Variants in DAB1 observed in about 807,000 individuals in gnomAD.
DAB1 encodes disabled homolog 1.
DAB1 carries 15 observed loss-of-function variants against 64.6 expected under a neutral mutation model. That is an observed-to-expected ratio of 0.23 (90% CI 0.16 to 0.36). DAB1 has a LOEUF of 0.36. DAB1 is among the 10% of genes least tolerant of loss of function. The pLI is 1.00. For synonymous variants in DAB1, 235 were observed against 251.9 expected (o/e 0.93, Z 0.64); for missense variants, 596 against 706.7 (o/e 0.84, Z 1.78).
At chr1:57,655,596 T>G (rs185974056) in intron 6 of DAB1, among the ~76,000 whole-genome samples, 1 of 152,294 alleles carries the variant, frequency 6.6e-6, no homozygotes, top group Admixed American at 6.5e-5. Context: ...GAACTTGCAT[T>G]CCAGGGGACA....
chr1:57,293,511 C>T (rs1192301682), intron 1 of DAB1, among the ~76,000 whole-genome samples: 2 of 152,108 alleles, frequency 1.3e-5, no homozygotes, highest in African/African-American at 4.8e-5. Flanking sequence ...GAGTGTCTGG[C>T]ATGCCTCCTG....
intron 5 of DAB1, among the ~76,000 whole-genome samples, chr1:58,109,411 C>T (rs1017429181): frequency 6.6e-6 from 1 of 152,134 alleles, no homozygotes; most frequent in Non-Finnish European, 1.5e-5. Flanking sequence ...CTAGATCACT[C>T]AGGGTAGCTC....
intron 2 of DAB1, among the ~76,000 whole-genome samples, chr1:57,275,779 T>C (rs1187698367): frequency 6.6e-6 from 1 of 152,194 alleles, no homozygotes; most frequent in Non-Finnish European, 1.5e-5. Context: ...CTCCAAAGTC[T>C]CAGTTTCTTC....
At chr1:57,920,887 T>G (rs1273317808) in intron 5 of DAB1, among the ~76,000 whole-genome samples, 1 of 152,162 alleles carries the variant, frequency 6.6e-6, no homozygotes, top group Non-Finnish European at 1.5e-5. Flanking sequence ...AGGGGCCCTA[T>G]CTACCAACAA....
rs188779705 is a variant in DAB1 at position 58,480,673 on chromosome 1, C to T, written n.257+25387G>A. ...ACTACCGTATGGGCTCATTTCTCAT[C>T]CACTAGGGGTCTGCCTTCTAAATCA... On this transcript the variant is annotated intron_variant and non_coding_transcript_variant, in intron 3 of 20. Coordinates refer to the DAB1 transcript ENST00000485760. 304 of 222,068 alleles carry T rather than the reference C, an allele frequency of 1.4e-3. 1 individual carries two copies. The Middle Eastern group carries it at 0.026, about 19-fold the overall frequency. The allele number at this position is 222,068 out of a possible 1,614,324, so 13.8% of individuals were successfully genotyped here.
chr1:57,970,547 G>A (rs1320043082), intron 5 of DAB1, among the ~76,000 whole-genome samples: 3 of 152,066 alleles, frequency 2.0e-5, no homozygotes, highest in African/African-American at 7.2e-5. Context: ...GCCATTGATG[G>A]GGACCCGCCA....
At chr1:57,750,306 A>G (rs1648494638) in intron 6 of DAB1, among the ~76,000 whole-genome samples, 1 of 152,132 alleles carries the variant, frequency 6.6e-6, no homozygotes, top group Non-Finnish European at 1.5e-5. Flanking sequence ...CTAACCATTC[A>G]GTATGTGTTC....
At chr1:57,901,341 T>C (rs1644470985) in intron 5 of DAB1, among the ~76,000 whole-genome samples, 1 of 152,144 alleles carries the variant, frequency 6.6e-6, no homozygotes. Flanking sequence ...GGGAAATCAA[T>C]GTGTTCATTA....
rs542995801 is a variant in DAB1, at chr1:58,491,087, G to A, written n.257+14973C>T. On this transcript the variant is annotated intron_variant and non_coding_transcript_variant, in intron 3 of 20. Coordinates refer to the DAB1 transcript ENST00000485760. ...CTCCCAAAGTGCTGAGATTACAGGCGTGAACCACTGCACCCGGCCCTTCAA... is the reference window on the plus strand; with the variant it reads ...CTCCCAAAGTGCTGAGATTACAGGCATGAACCACTGCACCCGGCCCTTCAA... Among the ~76,000 whole-genome samples, 19 of 152,068 alleles carry A rather than the reference G, an allele frequency of 1.2e-4. No homozygotes were observed. In the South Asian group the frequency reaches 2.7e-3, roughly 22 times the overall value.
intron 14 of DAB1, among the ~76,000 whole-genome samples, chr1:56,999,046 G>A (rs910295700): frequency 2.7e-4 from 41 of 152,208 alleles, no homozygotes; most frequent in African/African-American, 8.9e-4. Flanking sequence ...AGAATTAAAC[G>A]GGCACAATGA....
intron 4 of DAB1, among the ~76,000 whole-genome samples, chr1:58,185,775 T>G (rs920817670): frequency 6.6e-6 from 1 of 152,160 alleles, no homozygotes; most frequent in Non-Finnish European, 1.5e-5. Context: ...GTTATAGAAG[T>G]AATGAAGCTC....
chr1:57,563,816 C>T (rs551254074), intron 7 of DAB1, among the ~76,000 whole-genome samples: 30 of 152,256 alleles, frequency 2.0e-4, no homozygotes, highest in East Asian at 7.7e-4. Context: ...TGGAGCCCAC[C>T]GCAGCTCAAG....
chr1:57,423,655 T>C (rs1017959515), intron 1 of DAB1, among the ~76,000 whole-genome samples: 5 of 150,878 alleles, frequency 3.3e-5, no homozygotes, highest in African/African-American at 1.2e-4. Flanking sequence ...TCGCGCGTGG[T>C]CGGAAGTAGG....
At chr1:57,178,248 C>T (rs549065287) in intron 2 of DAB1, among the ~76,000 whole-genome samples, 1 of 151,538 alleles carries the variant, frequency 6.6e-6, no homozygotes, top group East Asian at 1.9e-4. Flanking sequence ...CTTCCTCTGA[C>T]CCAGCAATTC....
chr1:57,573,163 C>T lies in DAB1; in HGVS notation n.625+76429G>A, dbSNP rs141200128. 3.6e-3 allele frequency among the ~76,000 whole-genome samples: 550 copies of T among 152,272 alleles called. 6 individuals are homozygous for T. Among genetic ancestry groups the T allele is most frequent in the African/African-American group, 0.013 (530 of 41,548 alleles). ...AGTGCAGTGGCACAATCATAGCTCA[C>T]TGCAGCCTCCAACTCCTGGGCTCAA... On this transcript the variant is annotated intron_variant and non_coding_transcript_variant, in intron 7 of 20. Transcript: ENST00000485760.
chr1:58,475,483 C>A (rs1438922360), intron 3 of DAB1, among the ~76,000 whole-genome samples: 2 of 151,662 alleles, frequency 1.3e-5, no homozygotes, highest in Admixed American at 6.6e-5. Context: ...ATTAAACACA[C>A]ACACACACAC....
intron 5 of DAB1, among the ~76,000 whole-genome samples, chr1:58,022,399 T>C (rs1262764461): frequency 6.6e-6 from 1 of 152,152 alleles, no homozygotes; most frequent in East Asian, 1.9e-4. Flanking sequence ...CATTGGTCCC[T>C]ATGGAAATTC....
At chr1:57,941,179 A>G (rs1645098552) in intron 5 of DAB1, among the ~76,000 whole-genome samples, 1 of 152,228 alleles carries the variant, frequency 6.6e-6, no homozygotes, top group Non-Finnish European at 1.5e-5. Context: ...AGGGTTCCCA[A>G]GTTGTGGACT....
chr1:57,947,229 A>G (rs1252054352), intron 5 of DAB1, among the ~76,000 whole-genome samples: 1 of 152,162 alleles, frequency 6.6e-6, no homozygotes, highest in Non-Finnish European at 1.5e-5. Context: ...ATCTGACTCC[A>G]AAGCATGTGA....
Sources: gnomAD v4.1 joint callset for allele counts (sites outside exome capture counted in the v4.1 genomes callset) on GRCh38, gnomAD v4.1.1 for gene constraint, MANE v1.5 for transcripts, NCBI Gene and HGNC (gene_info 2026-07-23, HGNC 2026-07-21) for gene names.